Variants in LARGE1 observed in about 807,000 individuals in gnomAD.
LARGE1 encodes LARGE xylosyl- and glucuronyltransferase 1, also known as xylosyl- and glucuronyltransferase LARGE1.
LARGE1 carries 43 observed loss-of-function variants against 87.6 expected under a neutral mutation model. That is an observed-to-expected ratio of 0.49 (90% CI 0.38 to 0.63). The LOEUF is 0.63. Ranked by LOEUF, LARGE1 falls within the 30% of genes least tolerant of loss-of-function variation. The pLI is 0.00. For missense variants in LARGE1, 802 were observed against 1,000.2 expected (o/e 0.80, Z 2.67); for synonymous variants, 434 against 394.6 (o/e 1.10, Z -1.18).
At chr22:33,815,816 T>A (rs1038304772) in intron 1 of LARGE1, among the ~76,000 whole-genome samples, 2 of 152,116 alleles carry the variant, frequency 1.3e-5, no homozygotes, top group African/African-American at 2.4e-5. Flanking sequence ...GAGTGTGCAG[T>A]CTCATGCATC....
intron 11 of LARGE1, among the ~76,000 whole-genome samples, chr22:33,184,103 T>TATATATATATATATATATATATATAA (rs71187247): frequency 2.8e-5 from 4 of 142,316 alleles, no homozygotes; most frequent in African/African-American, 1.0e-4. Flanking sequence ...TATATATATA[T>TATATATATATATATATATATATATAA]CATATCTTTA....
intron 2 of LARGE1, among the ~76,000 whole-genome samples, chr22:33,716,487 T>C (rs1334668790): frequency 6.6e-6 from 1 of 152,170 alleles, no homozygotes. Flanking sequence ...ACTGCAGCCT[T>C]GACCTCCCAG....
chr22:33,697,797 G>A (rs1458417861), intron 2 of LARGE1, among the ~76,000 whole-genome samples: 1 of 152,144 alleles, frequency 6.6e-6, no homozygotes, highest in Non-Finnish European at 1.5e-5. Context: ...GGAATGAAAT[G>A]TTTGTATTTC....
At chr22:33,401,377 G>A (rs531525822) in intron 7 of LARGE1, among the ~76,000 whole-genome samples, 5 of 152,212 alleles carry the variant, frequency 3.3e-5, no homozygotes, top group African/African-American at 7.2e-5. Flanking sequence ...GGCCATCCAC[G>A]CTGTCTCGTC....
chr22:33,887,502 C>T (rs991566946), intron 1 of LARGE1, among the ~76,000 whole-genome samples: 7 of 152,078 alleles, frequency 4.6e-5, no homozygotes, highest in Admixed American at 2.0e-4. Context: ...TTTCGGAGAC[C>T]GAGGCGGGTG....
intron 11 of LARGE1, among the ~76,000 whole-genome samples, chr22:33,168,928 A>G (rs940569344): frequency 2.0e-5 from 3 of 152,248 alleles, no homozygotes; most frequent in Non-Finnish European, 4.4e-5. Flanking sequence ...CAGAAGAACT[A>G]TAATTCAACA....
At chr22:33,568,542 G>A (rs752925694) in intron 5 of LARGE1, among the ~76,000 whole-genome samples, 3 of 152,106 alleles carry the variant, frequency 2.0e-5, no homozygotes, top group South Asian at 2.1e-4. Flanking sequence ...TGAGGTGGGC[G>A]GATCCCCTGA....
chr22:33,728,841 T>C (rs1440805432), intron 2 of LARGE1, among the ~76,000 whole-genome samples: 1 of 152,200 alleles, frequency 6.6e-6, no homozygotes, highest in African/African-American at 2.4e-5. Context: ...GGAGTAAATA[T>C]AGTATTAGGT....
chr22:33,305,838 C>CTTTTTTTTTT (rs200366425), intron 11 of LARGE1, among the ~76,000 whole-genome samples: 19 of 126,534 alleles, frequency 1.5e-4, no homozygotes, highest in African/African-American at 5.8e-4. Context: ...ATTTCTTTTT[C>CTTTTTTTTTT]TTTTTCTTTT....
At chr22:33,839,224 G>A (rs1320634998) in intron 1 of LARGE1, among the ~76,000 whole-genome samples, 2 of 152,214 alleles carry the variant, frequency 1.3e-5, no homozygotes, top group Non-Finnish European at 1.5e-5. Context: ...GGTAAAAGAG[G>A]AGCAGACACG....
chr22:33,777,785 G>A (rs532928231), intron 1 of LARGE1, among the ~76,000 whole-genome samples: 3 of 152,276 alleles, frequency 2.0e-5, no homozygotes, highest in African/African-American at 4.8e-5. Context: ...GCACAAGAAC[G>A]GCTTGTTTAG....
intron 6 of LARGE1, among the ~76,000 whole-genome samples, chr22:33,524,165 C>G (rs1190650961): frequency 6.6e-6 from 1 of 151,888 alleles, no homozygotes; most frequent in Non-Finnish European, 1.5e-5. Flanking sequence ...GTGGCACACA[C>G]CTATAATCCC....
At chr22:33,346,942 T>A (rs1050182248) in intron 9 of LARGE1, among the ~76,000 whole-genome samples, 1 of 152,210 alleles carries the variant, frequency 6.6e-6, no homozygotes, top group African/African-American at 2.4e-5. Flanking sequence ...ATATGGCTAG[T>A]GTCCTCTTCT....
At chr22:33,438,298 C>T (rs1037625643) in intron 6 of LARGE1, among the ~76,000 whole-genome samples, 7 of 152,140 alleles carry the variant, frequency 4.6e-5, no homozygotes, top group Admixed American at 1.3e-4. Flanking sequence ...GCTCAGCATT[C>T]TGCACTGCCT....
chr22:33,401,706 G>T (rs541038525), intron 7 of LARGE1, among the ~76,000 whole-genome samples: 32 of 152,300 alleles, frequency 2.1e-4, no homozygotes, highest in African/African-American at 7.0e-4. Context: ...TAGACGTAGG[G>T]AGAGGAAGCA....
At chr22:33,716,651 C>G (rs768824289) in intron 2 of LARGE1, among the ~76,000 whole-genome samples, 2 of 152,198 alleles carry the variant, frequency 1.3e-5, no homozygotes, top group Non-Finnish European at 2.9e-5. Context: ...CCACCTGCCT[C>G]GGCCTCCCCA....
the LARGE1 span, among the ~76,000 whole-genome samples, chr22:33,125,315 G>A: frequency 6.6e-6 from 1 of 152,150 alleles, no homozygotes; most frequent in Non-Finnish European, 1.5e-5. Context: ...AATTTGGTTA[G>A]GTGCTGGGTA....
Position 33,385,418 on chromosome 22 carries a change from C to T in LARGE1, c.893-1114G>A, listed in dbSNP as rs894290594. The stretch of plus-strand genomic sequence containing the variant: ...TGGTGCATGCCTGTGATCCCAGTTA[C>T]TTGGGAGGCTGAGGCAGGAGAATCA... On this transcript the variant is annotated intron_variant, in intron 7 of 14. Transcript: ENST00000397394. Among the ~76,000 whole-genome samples, 27 of 142,060 alleles carry T rather than the reference C, an allele frequency of 1.9e-4. 1 individual carries two copies. The highest frequency in any genetic ancestry group is 6.7e-4 in the African/African-American group (26 of 38,900). The allele number at this position is 142,060 out of a possible 152,430, so 93.2% of individuals were successfully genotyped here.
At chr22:33,778,852 T>C (rs963235050) in intron 1 of LARGE1, among the ~76,000 whole-genome samples, 3 of 152,186 alleles carry the variant, frequency 2.0e-5, no homozygotes, top group Non-Finnish European at 4.4e-5. Flanking sequence ...GGTTTCCCCA[T>C]GTTGGCCAGG....
Sources: gnomAD v4.1 joint callset for allele counts (sites outside exome capture counted in the v4.1 genomes callset) on GRCh38, gnomAD v4.1.1 for gene constraint, MANE v1.5 for transcripts, NCBI Gene and HGNC (gene_info 2026-07-23, HGNC 2026-07-21) for gene names.